SUGCT: variants seen among roughly 807,000 people sequenced by gnomAD.
The protein encoded by SUGCT is succinyl-CoA:glutarate CoA-transferase.
In SUGCT, 41 loss-of-function variants were observed where a neutral mutation model predicts 55.0. The observed-to-expected ratio is 0.74, with a 90% CI of 0.58 to 0.97. SUGCT has a LOEUF of 0.97. Ranked by LOEUF, SUGCT falls within the 50% of genes least tolerant of loss-of-function variation. SUGCT has a pLI of 0.00. For synonymous variants in SUGCT, 187 were observed against 200.4 expected, an observed-to-expected ratio of 0.93 and a Z score of 0.56; for missense variants, 568 against 547.8, an observed-to-expected ratio of 1.04 and a Z score of -0.37.
intron 12 of SUGCT, among the ~76,000 whole-genome samples, chr7:40,646,172 A>G (rs2151832027): frequency 6.6e-6 from 1 of 152,312 alleles, no homozygotes; most frequent in Admixed American, 6.5e-5. Flanking sequence ...CACATATAAT[A>G]TAACTCTATT....
At chr7:40,936,551 GTTTTGTTGGCT>G in the SUGCT span, among the ~76,000 whole-genome samples, 1 of 151,580 alleles carries the variant, frequency 6.6e-6, no homozygotes, top group Admixed American at 6.6e-5. Context: ...TCAACTTTTG[GTTTTGTTGGCT>G]TTCTTGTTTA....
intron 7 of SUGCT, among the ~76,000 whole-genome samples, chr7:40,257,014 G>C (rs1330693718): frequency 6.6e-5 from 10 of 152,014 alleles, no homozygotes; most frequent in Non-Finnish European, 1.3e-4. Context: ...AAAGTGCTGG[G>C]ATTATAGGAA....
intron 13 of SUGCT, among the ~76,000 whole-genome samples, chr7:40,825,262 T>C (rs1405651186): frequency 6.6e-6 from 1 of 152,208 alleles, no homozygotes; most frequent in Non-Finnish European, 1.5e-5. Flanking sequence ...AATTGTTTTT[T>C]TGATGAACAT....
intron 1 of SUGCT, among the ~76,000 whole-genome samples, chr7:40,158,191 G>T (rs1783986855): frequency 6.6e-6 from 1 of 151,512 alleles, no homozygotes; most frequent in African/African-American, 2.4e-5. Flanking sequence ...GACAGAGCAA[G>T]ACTCTGTATC....
At chr7:40,321,425 G>A (rs1024198960) in intron 9 of SUGCT, among the ~76,000 whole-genome samples, 3 of 143,652 alleles carry the variant, frequency 2.1e-5, no homozygotes, top group Non-Finnish European at 3.0e-5. Context: ...CTCTGTTGCC[G>A]AGGCTGGAGT....
At chr7:40,366,913 G>A (rs535058320) in intron 9 of SUGCT, among the ~76,000 whole-genome samples, 1 of 152,236 alleles carries the variant, frequency 6.6e-6, no homozygotes, top group Admixed American at 6.5e-5. Flanking sequence ...TCCCATTACT[G>A]GGTATATACC....
intron 13 of SUGCT, among the ~76,000 whole-genome samples, chr7:40,843,386 T>TGTAA (rs1793377584): frequency 6.6e-6 from 1 of 151,970 alleles, no homozygotes; most frequent in South Asian, 2.1e-4. Flanking sequence ...GGCGCATGCC[T>TGTAA]GTAATCCCAG....
At chr7:40,413,449 A>G (rs1307420852) in intron 9 of SUGCT, among the ~76,000 whole-genome samples, 1 of 152,188 alleles carries the variant, frequency 6.6e-6, no homozygotes, top group Non-Finnish European at 1.5e-5. Flanking sequence ...GATGGATTAA[A>G]GATTTAAATG....
chr7:40,231,267 T>G (rs1418298969), intron 6 of SUGCT, among the ~76,000 whole-genome samples: 1 of 152,176 alleles, frequency 6.6e-6, no homozygotes, highest in African/African-American at 2.4e-5. Flanking sequence ...ACTTATATAT[T>G]CACATTCACT....
intron 12 of SUGCT, among the ~76,000 whole-genome samples, chr7:40,705,710 T>C (rs909325310): frequency 3.3e-5 from 5 of 152,184 alleles, no homozygotes; most frequent in African/African-American, 1.2e-4. Context: ...TGAAGCAAGG[T>C]CTCGGACCAC....
chr7:40,362,145 G>A (rs571754217), intron 9 of SUGCT, among the ~76,000 whole-genome samples: 6 of 152,120 alleles, frequency 3.9e-5, no homozygotes, highest in East Asian at 1.9e-4. Context: ...CATGCCCGGC[G>A]CAGTGGCTAT....
At chr7:40,770,089 A>G (rs77137181) in intron 13 of SUGCT, among the ~76,000 whole-genome samples, 4 of 151,930 alleles carry the variant, frequency 2.6e-5, no homozygotes, top group Non-Finnish European at 4.4e-5. Flanking sequence ...TTTTCCATCT[A>G]CTTCCTCCCT....
chr7:40,494,729 A>T (rs1791877588), intron 11 of SUGCT, among the ~76,000 whole-genome samples: 1 of 152,196 alleles, frequency 6.6e-6, no homozygotes, highest in Non-Finnish European at 1.5e-5. Context: ...CTACCTTTAT[A>T]AAAAATATTT....
At chr7:40,818,246 G>C (rs896172732) in intron 13 of SUGCT, among the ~76,000 whole-genome samples, 4 of 152,170 alleles carry the variant, frequency 2.6e-5, no homozygotes, top group African/African-American at 7.2e-5. Context: ...TTACTCTATG[G>C]AGGTCTACAC....
intron 12 of SUGCT, among the ~76,000 whole-genome samples, chr7:40,676,723 G>A (rs775546284): frequency 5.9e-5 from 9 of 151,918 alleles, no homozygotes; most frequent in Non-Finnish European, 7.4e-5. Context: ...GAGTGGTCTC[G>A]AACTCCTGAC....
At position 40,621,800 on chromosome 7, in the gene SUGCT, A is replaced by G. The variant is rs201647367; in HGVS notation, c.1089+125414A>G. Reference sequence around the variant, plus strand: ...CTCAGACATTTTTCATCTTATATCTACAATGACCACATGTCCCTGAGTTTT... The same window carrying G: ...CTCAGACATTTTTCATCTTATATCTGCAATGACCACATGTCCCTGAGTTTT... On this transcript the variant is annotated intron_variant, in intron 12 of 13. Transcript: ENST00000335693. Among the ~76,000 whole-genome samples the G allele has an allele frequency of 1.2e-4, 19 of 152,346 alleles. No homozygotes were observed. The East Asian group carries it at 3.1e-3, about 25-fold the overall frequency.
intron 9 of SUGCT, among the ~76,000 whole-genome samples, chr7:40,340,148 G>T (rs995162678): frequency 1.3e-5 from 2 of 152,120 alleles, no homozygotes; most frequent in African/African-American, 4.8e-5. Context: ...AGAACAAATA[G>T]TAGTAAGTAG....
At chr7:40,790,810 T>C (rs2128744671) in intron 13 of SUGCT, among the ~76,000 whole-genome samples, 1 of 152,354 alleles carries the variant, frequency 6.6e-6, no homozygotes, top group Non-Finnish European at 1.5e-5. Flanking sequence ...GTTTTAGTAA[T>C]GTACTCTGTC....
At chr7:40,917,978 T>G in the SUGCT span, among the ~76,000 whole-genome samples, 1 of 152,164 alleles carries the variant, frequency 6.6e-6, no homozygotes, top group Non-Finnish European at 1.5e-5. Context: ...TTCATAATAC[T>G]CATCCACATC....
Sources: allele counts gnomAD v4.1 joint callset (sites outside exome capture counted in the v4.1 genomes callset), GRCh38; gene constraint gnomAD v4.1.1; transcripts MANE v1.5; gene names NCBI Gene and HGNC (gene_info 2026-07-23, HGNC 2026-07-21).